PCDHGA7: variants seen among roughly 807,000 people sequenced by gnomAD.
PCDHGA7 encodes protocadherin gamma-A7.
A neutral mutation model predicts 58.3 loss-of-function variants in PCDHGA7; 44 were observed. The observed-to-expected ratio is 0.75, with a 90% confidence interval of 0.59 to 0.97. The LOEUF (loss-of-function observed/expected upper bound fraction) is 0.97. Among genes scored for constraint, PCDHGA7 ranks in the 50% least tolerant of loss-of-function variants. The pLI is 0.00. For missense variants in PCDHGA7, 1,266 were observed against 1,188.7 expected (o/e 1.06, Z -0.96); for synonymous variants, 516 against 504.2 (o/e 1.02, Z -0.31).
At chr5:141,479,505 G>A (rs2099498324) in intron 1 of PCDHGA7, 1 of 152,262 alleles carries the variant, frequency 6.6e-6, no homozygotes, top group African/African-American at 2.4e-5. Flanking sequence ...CCTAAAGAGG[G>A]GTGAACTGGC....
intron 1 of PCDHGA7, chr5:141,410,715 G>A: frequency 1.4e-6 from 2 of 1,422,782 alleles, no homozygotes; most frequent in Non-Finnish European, 1.9e-6. Context: ...AGAATCATAT[G>A]TTTAAAATCC....
At chr5:141,419,757 G>A (rs1468216226) in intron 1 of PCDHGA7, 5 of 1,613,876 alleles carry the variant, frequency 3.1e-6, no homozygotes, top group African/African-American at 1.3e-5. Flanking sequence ...CGTGCTTTGG[G>A]TGACAAGGAC....
chr5:141,462,911 T>C (rs1263378930), intron 1 of PCDHGA7, among the ~76,000 whole-genome samples: 1 of 152,248 alleles, frequency 6.6e-6, no homozygotes, highest in Non-Finnish European at 1.5e-5. Flanking sequence ...ATTATGTTTT[T>C]TGCAGATCAG....
Position 141,476,698 on chromosome 5 carries a change from G to C in PCDHGA7, c.2425-18109G>C, listed in dbSNP as rs2075661. Reference sequence around the variant, plus strand: ...CGCGGGAGGACAGCACCAAGTACGCGGAGCTGGTGTTGGAGCGCGCCCTGG... The same window carrying C: ...CGCGGGAGGACAGCACCAAGTACGCCGAGCTGGTGTTGGAGCGCGCCCTGG... On this transcript the variant is annotated intron_variant, in intron 1 of 3. Transcript: ENST00000518325. The surrounding 1 kb of genome is among the most constrained non-coding windows in gnomAD (Gnocchi z 7.6). The C allele has an allele frequency of 0.2, 326,683 of 1,614,030 alleles. 35,085 individuals carry two copies. Among genetic ancestry groups the C allele is most frequent in the Admixed American group, 0.37 (22,021 of 59,992 alleles).
At chr5:141,483,743 C>G (rs1360515518) in intron 1 of PCDHGA7, among the ~76,000 whole-genome samples, 2 of 152,022 alleles carry the variant, frequency 1.3e-5, no homozygotes, top group Non-Finnish European at 2.9e-5. Context: ...AAAGGATATT[C>G]CTGAGGATCG....
At chr5:141,411,556 C>A (rs2095498108) in intron 1 of PCDHGA7, 1 of 152,200 alleles carries the variant, frequency 6.6e-6, no homozygotes, top group Non-Finnish European at 1.5e-5. Context: ...TGCACTCCAG[C>A]CTGGGCGACA....
chr5:141,397,004 T>A (rs2150690904), intron 1 of PCDHGA7, among the ~76,000 whole-genome samples: 2 of 152,342 alleles, frequency 1.3e-5, no homozygotes, highest in African/African-American at 4.8e-5. Context: ...ATCTGACAAA[T>A]GGACTAAAGA....
chr5:141,447,356 C>T (rs1158878203), intron 1 of PCDHGA7, among the ~76,000 whole-genome samples: 4 of 152,000 alleles, frequency 2.6e-5, no homozygotes, highest in African/African-American at 9.7e-5. Context: ...TCAGGCTGGT[C>T]TCAAACTCCT....
At chr5:141,470,165 G>C (rs559578238) in intron 1 of PCDHGA7, among the ~76,000 whole-genome samples, 1 of 152,276 alleles carries the variant, frequency 6.6e-6, no homozygotes, top group Non-Finnish European at 1.5e-5. Context: ...TCAAATCAAA[G>C]TATGCAAAAT....
intron 1 of PCDHGA7, chr5:141,392,963 G>C: frequency 6.2e-7 from 1 of 1,613,922 alleles, no homozygotes; most frequent in Non-Finnish European, 8.5e-7. Flanking sequence ...ATATCTCCAA[G>C]GACCTGGGGC....
chr5:141,409,407 A>G, intron 1 of PCDHGA7: 3 of 1,614,012 alleles, frequency 1.9e-6, no homozygotes, highest in Non-Finnish European at 2.5e-6. Flanking sequence ...AATAACTACT[A>G]CAAACTGGTG....
chr5:141,495,943 CTGT>C (rs1324780860), intron 2 of PCDHGA7, among the ~76,000 whole-genome samples: 1 of 152,010 alleles, frequency 6.6e-6, no homozygotes, highest in Non-Finnish European at 1.5e-5. Flanking sequence ...GTCTCTGTGC[CTGT>C]TGTCTTTTTC....
At chr5:141,419,588 A>T in intron 1 of PCDHGA7, 1 of 1,611,830 alleles carries the variant, frequency 6.2e-7, no homozygotes, top group East Asian at 2.2e-5. Flanking sequence ...GCTCTTCGAC[A>T]CAGTGCCGCG....
intron 1 of PCDHGA7, chr5:141,403,465 G>C (rs1268345736): frequency 6.2e-7 from 1 of 1,614,018 alleles, no homozygotes; most frequent in Non-Finnish European, 8.5e-7. Context: ...AGAGCTACCA[G>C]CTCAGCCCCA....
intron 1 of PCDHGA7, chr5:141,396,060 G>C (rs1309175410): frequency 6.6e-6 from 1 of 152,200 alleles, no homozygotes; most frequent in African/African-American, 2.4e-5. Flanking sequence ...CCAATTAGCT[G>C]TTTCGGTTGT....
At chr5:141,426,625 A>G (rs770683989) in intron 1 of PCDHGA7, 29 of 394,754 alleles carry the variant, frequency 7.3e-5, no homozygotes, top group South Asian at 7.2e-5. Context: ...AATCCTCTAA[A>G]TGTTTTTCAC....
intron 1 of PCDHGA7, chr5:141,440,723 T>C (rs2098196558): frequency 6.6e-6 from 1 of 152,178 alleles, no homozygotes; most frequent in Non-Finnish European, 1.5e-5. Flanking sequence ...GTTGATCCTG[T>C]GTTAGAGAAG....
chr5:141,418,153 G>A (rs1561771797), intron 1 of PCDHGA7: 2 of 1,614,086 alleles, frequency 1.2e-6, no homozygotes, highest in East Asian at 2.2e-5. Context: ...TATGCAAAGA[G>A]AGAAGAAGAT....
At chr5:141,430,313 G>A (rs1018901791) in intron 1 of PCDHGA7, among the ~76,000 whole-genome samples, 1 of 150,204 alleles carries the variant, frequency 6.7e-6, no homozygotes, top group South Asian at 2.1e-4. Context: ...AACATTATAA[G>A]ATTAAAATCA....
Sources: allele counts gnomAD v4.1 joint callset (sites outside exome capture counted in the v4.1 genomes callset), GRCh38; gene constraint gnomAD v4.1.1; non-coding constraint Gnocchi (gnomAD v3.1); transcripts MANE v1.5; gene names NCBI Gene and HGNC (gene_info 2026-07-23, HGNC 2026-07-21).